The following BRD3 variants were observed in gnomAD, a reference collection of about 807,000 sequenced individuals.
The protein encoded by BRD3 is bromodomain-containing protein 3.
Under a neutral mutation model 66.8 loss-of-function variants are expected in BRD3, and 17 were observed. That is an observed-to-expected ratio of 0.25 (90% CI 0.17 to 0.38). The LOEUF is 0.38. BRD3 is among the 10% of genes least tolerant of loss of function. The pLI, the probability that BRD3 is intolerant of heterozygous loss-of-function variation, is 1.00. For missense variants in BRD3, 713 were observed against 956.1 expected (o/e 0.75, Z 3.35); for synonymous variants, 421 against 393.2 (o/e 1.07, Z -0.84).
intron 2 of BRD3, among the ~76,000 whole-genome samples, chr9:134,052,745 A>G (rs1426206708): frequency 2.6e-5 from 4 of 152,226 alleles, no homozygotes; most frequent in African/African-American, 7.2e-5. Context: ...CCAAACCTGC[A>G]GGTGACCAGG....
In BRD3 at chr9:134,050,461, C is replaced by T. The variant is rs143863495; in HGVS notation, c.627G>A (p.Thr209=). Residue 209 remains threonine (T), a synonymous_variant, in exon 5 of 12, where the codon ACG becomes ACA. Transcript: ENST00000303407. The part of the protein sequence containing the change: ...TPVPTITANV[T]SVPVPPAAAP... ...CGGCAGCTGGGGGGACTGGGACCGA[C>T]GTGACGTTTGCAGTGATGGTTGGTA... 3 of 1,612,010 alleles carry T rather than the reference C, an allele frequency of 1.9e-6. No individual in the cohort carries two copies. Among genetic ancestry groups the T allele is most frequent in the Non-Finnish European group, 2.5e-6 (3 of 1,179,448 alleles).
At position 134,031,077 on chromosome 9, in the gene BRD3, T is replaced by C. The variant is rs1363090361; in HGVS notation, c.*2513A>G. The C allele has an allele frequency of 8.7e-6, 2 of 230,146 alleles. No individual in the cohort carries two copies. The highest frequency in any genetic ancestry group is 1.7e-5 in the Non-Finnish European group (2 of 116,180). The allele number at this position is 230,146 out of a possible 1,614,324, so 14.3% of individuals were successfully genotyped here. A position where few individuals can be genotyped will look rare whatever the true frequency, so the allele number is the denominator to read the frequency against. Reference sequence around the variant, plus strand: ...CTGAAAAGAAACCAGTGTTGAAGTCTGGACAGAAAGCCTTAAAAAAGTGAC... The same window carrying C: ...CTGAAAAGAAACCAGTGTTGAAGTCCGGACAGAAAGCCTTAAAAAAGTGAC... On this transcript the variant is annotated 3_prime_UTR_variant, in exon 12 of 12. Coordinates refer to ENST00000303407, the MANE Select transcript of BRD3 (RefSeq NM_007371.4).
rs1370303560 is a variant in BRD3, at chr9:134,051,869, G to T, written c.352-160C>A. On this transcript the variant is annotated intron_variant, in intron 3 of 11. Transcript: ENST00000303407. Reference sequence around the variant, plus strand: ...TATATGTGTGTGTGTGTGTGTGTGTGTGTGTGTGTTGTTTTTTTTGTTTTT... The same window carrying T: ...TATATGTGTGTGTGTGTGTGTGTGTTTGTGTGTGTTGTTTTTTTTGTTTTT... Among the ~76,000 whole-genome samples the T allele has an allele frequency of 6.9e-4, 76 of 110,026 alleles. 2 individuals carry two copies. Among genetic ancestry groups the T allele is most frequent in the African/African-American group, 3.4e-3 (74 of 22,016 alleles). 72.2% of individuals were successfully genotyped at this position (110,026 alleles called of 152,430 possible). A position where few individuals can be genotyped will look rare whatever the true frequency, so the allele number is the denominator to read the frequency against.
At chr9:134,066,525 A>C (rs924794170) in intron 1 of BRD3, among the ~76,000 whole-genome samples, 3 of 151,688 alleles carry the variant, frequency 2.0e-5, no homozygotes, top group African/African-American at 7.3e-5. Context: ...CTTTGCATAG[A>C]TTCCAGGATC....
Position 134,052,344 on chromosome 9 carries a change from A to C in BRD3, c.313T>G (p.Phe105Val). ...YWSASECMQD[F>V]NTMFTNCYIY... The stretch of plus-strand genomic sequence containing the variant: ...TAACAATTTGTAAACATGGTGTTGA[A>C]GTCCTGCATACATTCGCTTGCACTC... The change falls in exon 3 of 12, where the codon TTC (phenylalanine) becomes GTC (valine). Residue 105 changes from phenylalanine to valine, a missense_variant. By Grantham distance (50) the Phe-to-Val change is conservative. Coordinates refer to ENST00000303407, the MANE Select transcript of BRD3 (RefSeq NM_007371.4). 1 of 1,613,628 alleles carries C rather than the reference A, an allele frequency of 6.2e-7. No individual in the cohort carries two copies. The highest frequency in any genetic ancestry group is 8.5e-7 in the Non-Finnish European group (1 of 1,180,002).
At chr9:134,057,469 C>T (rs1476027355) in intron 1 of BRD3, 2 of 152,290 alleles carry the variant, frequency 1.3e-5, no homozygotes, top group Non-Finnish European at 2.9e-5. Flanking sequence ...AGTGGAGAAA[C>T]ACCACAAACA....
intron 1 of BRD3, chr9:134,057,514 G>A (rs1830449557): frequency 6.6e-6 from 1 of 152,364 alleles, no homozygotes. Context: ...GAGCCCTTCA[G>A]CTCACCGATG....
chr9:134,055,025 C>G (rs991283840), intron 1 of BRD3, among the ~76,000 whole-genome samples: 1 of 152,004 alleles, frequency 6.6e-6, no homozygotes, highest in African/African-American at 2.4e-5. Context: ...CCACCCTCTT[C>G]TATGCCCTCC....
chr9:134,034,542 G>A (rs1733689741), intron 11 of BRD3, 159 bp downstream of exon 11: 3 of 1,057,594 alleles, frequency 2.8e-6, no homozygotes, highest in Non-Finnish European at 4.0e-6. Context: ...TGACAGACCA[G>A]GAAATGGAGG....
At chr9:134,036,576 G>A in intron 9 of BRD3, 1 of 1,610,448 alleles carries the variant, frequency 6.2e-7, no homozygotes, top group Non-Finnish European at 8.5e-7. Flanking sequence ...AAACTCCACA[G>A]GTCAAGAAAT....
intron 1 of BRD3, among the ~76,000 whole-genome samples, chr9:134,062,915 C>T (rs977879038): frequency 6.6e-6 from 1 of 152,216 alleles, no homozygotes; most frequent in African/African-American, 2.4e-5. Context: ...CTTAGAGGGA[C>T]ACAGCCTCAG....
In BRD3 at chr9:134,041,895, C is replaced by T. The variant is rs148358420; in HGVS notation, c.1272G>A (p.Ala424=). 1.1e-4 allele frequency: 182 copies of T among 1,610,096 alleles called. No individual in the cohort carries two copies. The African/African-American group carries it at 2.0e-3, about 18-fold the overall frequency. ...CCATGGGGGCCGCGGGGGCAGGCAG[C>T]GCCGGTGCCTCCACGGGCTCATCTG... ...KMPDEPVEAP[A]LPAPAAPMVS... is the part of the protein sequence containing the mutation. Residue 424 remains alanine (A), a synonymous_variant, in exon 8 of 12, where the codon GCG becomes GCA. Transcript: ENST00000303407.
chr9:134,048,741 G>T (rs1830229643), intron 5 of BRD3, among the ~76,000 whole-genome samples: 1 of 152,176 alleles, frequency 6.6e-6, no homozygotes, highest in Non-Finnish European at 1.5e-5. Flanking sequence ...GGGCTCAGGG[G>T]TCCCGGGTGG....
chr9:134,059,797 C>T (rs908524990), intron 1 of BRD3, among the ~76,000 whole-genome samples: 5 of 152,220 alleles, frequency 3.3e-5, no homozygotes, highest in South Asian at 2.1e-4. Context: ...CTCCAGGGGG[C>T]TCTTTGCTGT....
chr9:134,033,422 AAGAT>A lies in BRD3; in HGVS notation c.*164_*167del, dbSNP rs1843545358. The A allele has an allele frequency of 7.1e-6, 4 of 559,962 alleles. No individual in the cohort carries two copies. The highest frequency in any genetic ancestry group is 3.3e-5 in the Admixed American group (1 of 30,390). The allele number at this position is 559,962 out of a possible 1,614,324, so 34.7% of individuals were successfully genotyped here. On this transcript the variant is annotated 3_prime_UTR_variant, in exon 12 of 12. Coordinates refer to ENST00000303407, the MANE Select transcript of BRD3 (RefSeq NM_007371.4). The surrounding 1 kb of genome is among the most constrained non-coding windows in gnomAD (Gnocchi z 5.1). Reference sequence around the variant, plus strand: ...TTCTCATCAAGTCTAACGCACACACAAGATAGATCTCTGACCTATGAAAGCAAAA... The same window carrying A: ...TTCTCATCAAGTCTAACGCACACACAAGATCTCTGACCTATGAAAGCAAAA...
intron 3 of BRD3, 49 bp downstream of exon 3, chr9:134,052,257 G>A (rs764181911): frequency 6.2e-7 from 1 of 1,601,978 alleles, no homozygotes; most frequent in East Asian, 2.2e-5. Flanking sequence ...GCGTTGCACA[G>A]CGCCCCAATC....
chr9:134,036,618 CA>C, intron 9 of BRD3: 1 of 1,533,870 alleles, frequency 6.5e-7, no homozygotes, highest in Non-Finnish European at 9.0e-7. Flanking sequence ...CAAAAGAAGG[CA>C]AAAAAGGGGG....
chr9:134,063,273 T>G (rs1282344280), intron 1 of BRD3, among the ~76,000 whole-genome samples: 1 of 152,174 alleles, frequency 6.6e-6, no homozygotes, highest in Non-Finnish European at 1.5e-5. Context: ...GCAGCACATC[T>G]GTCTGTGAGT....
chr9:134,037,142 T>C (rs910708917), intron 9 of BRD3, among the ~76,000 whole-genome samples: 1 of 152,020 alleles, frequency 6.6e-6, no homozygotes, highest in African/African-American at 2.4e-5. Flanking sequence ...ACTTTAAATA[T>C]AATGTTCTAA....
Sources: gnomAD v4.1 joint callset for allele counts (sites outside exome capture counted in the v4.1 genomes callset) on GRCh38, gnomAD v4.1.1 for gene constraint, Gnocchi (gnomAD v3.1) non-coding constraint, MANE v1.5 for transcripts, NCBI Gene and HGNC (gene_info 2026-07-23, HGNC 2026-07-21) for gene names.